Variants in IMMP2L observed in about 807,000 individuals in gnomAD.
IMMP2L encodes mitochondrial inner membrane protease subunit 2.
IMMP2L carries 18 observed loss-of-function variants against 19.3 expected under a neutral mutation model. That is an observed-to-expected ratio of 0.93 (90% CI 0.64 to 1.38). The LOEUF is 1.38. IMMP2L is among the 40% of genes most tolerant of loss of function. IMMP2L has a pLI of 0.00. For synonymous variants in IMMP2L, 76 were observed against 73.0 expected (o/e 1.04, Z -0.21); for missense variants, 233 against 218.2 (o/e 1.07, Z -0.43).
intron 3 of IMMP2L, among the ~76,000 whole-genome samples, chr7:111,042,173 C>T (rs911858747): frequency 2.0e-5 from 3 of 151,816 alleles, no homozygotes; most frequent in African/African-American, 4.8e-5. Flanking sequence ...ATCATAGATA[C>T]CATTTAAAGT....
chr7:111,012,181 A>G (rs564272708), intron 3 of IMMP2L, among the ~76,000 whole-genome samples: 1 of 152,288 alleles, frequency 6.6e-6, no homozygotes, highest in African/African-American at 2.4e-5. Flanking sequence ...ATTTCAGGTA[A>G]AATTTGATAT....
intron 3 of IMMP2L, among the ~76,000 whole-genome samples, chr7:111,450,049 G>T (rs1457240829): frequency 6.6e-5 from 10 of 151,464 alleles, no homozygotes; most frequent in African/African-American, 2.4e-4. Flanking sequence ...CACTGCTCAA[G>T]GAAATAAAGG....
intron 5 of IMMP2L, among the ~76,000 whole-genome samples, chr7:110,691,956 G>T (rs1793536430): frequency 6.6e-6 from 1 of 152,116 alleles, no homozygotes; most frequent in East Asian, 1.9e-4. Flanking sequence ...CCATTACTGG[G>T]TATCTATTCG....
intron 5 of IMMP2L, among the ~76,000 whole-genome samples, chr7:110,739,777 A>G (rs1023938490): frequency 6.6e-6 from 1 of 152,186 alleles, no homozygotes; most frequent in African/African-American, 2.4e-5. Flanking sequence ...TCATCAGCAA[A>G]TGAAACATTC....
At position 111,539,105 on chromosome 7, in the gene IMMP2L, A is replaced by G. The variant is rs182277009; in HGVS notation, c.-2-17656T>C. ...TGCACTCCAGCCTTGGCGACAGAAC[A>G]AGACTCCATCTCACAAAAAGAAAAG... On this transcript the variant is annotated intron_variant, in intron 1 of 5. Transcript: ENST00000405709. Among the ~76,000 whole-genome samples the G allele has an allele frequency of 6.9e-3, 1,029 of 148,454 alleles. 11 individuals carry two copies. Among genetic ancestry groups the G allele is most frequent in the Non-Finnish European group, 0.011 (750 of 67,204 alleles).
chr7:110,797,166 G>A (rs1314968422), intron 5 of IMMP2L, among the ~76,000 whole-genome samples: 3 of 151,744 alleles, frequency 2.0e-5, no homozygotes, highest in African/African-American at 7.3e-5. Context: ...GGAAGCAACA[G>A]TTCTGTCTTT....
chr7:111,315,743 A>G (rs1823997105), intron 3 of IMMP2L, among the ~76,000 whole-genome samples: 1 of 152,128 alleles, frequency 6.6e-6, no homozygotes, highest in African/African-American at 2.4e-5. Context: ...AAAAAAAAAA[A>G]AAGGCTTCAT....
chr7:111,290,629 A>G (rs901625750), intron 3 of IMMP2L, among the ~76,000 whole-genome samples: 2 of 152,126 alleles, frequency 1.3e-5, no homozygotes, highest in African/African-American at 4.8e-5. Context: ...GGAGAAAAGA[A>G]GCAGAAGCCC....
intron 3 of IMMP2L, among the ~76,000 whole-genome samples, chr7:111,268,487 T>TA (rs927826185): frequency 0.038 from 2,369 of 62,434 alleles, 76 homozygotes; most frequent in African/African-American, 0.077. Context: ...GTTTATCTAA[T>TA]AAAAAAAAAA....
At chr7:111,547,241 G>A (rs1849009695) in intron 1 of IMMP2L, among the ~76,000 whole-genome samples, 1 of 152,090 alleles carries the variant, frequency 6.6e-6, no homozygotes, top group Non-Finnish European at 1.5e-5. Context: ...AACCACTATG[G>A]AATAGAATGC....
intron 2 of IMMP2L, among the ~76,000 whole-genome samples, chr7:111,494,126 A>G (rs1246900222): frequency 1.3e-5 from 2 of 152,214 alleles, no homozygotes; most frequent in African/African-American, 4.8e-5. Context: ...TATATTGTTA[A>G]TATTTAAATC....
intron 2 of IMMP2L, among the ~76,000 whole-genome samples, chr7:111,495,966 C>T (rs1377857723): frequency 6.6e-6 from 1 of 152,132 alleles, no homozygotes; most frequent in African/African-American, 2.4e-5. Flanking sequence ...AACAGTAGCC[C>T]TCAGACTTCT....
chr7:111,445,950 G>A (rs1371015391), intron 3 of IMMP2L, among the ~76,000 whole-genome samples: 4 of 152,112 alleles, frequency 2.6e-5, no homozygotes, highest in East Asian at 3.9e-4. Flanking sequence ...GGTGATGGAC[G>A]CACCTGGAAA....
rs2130474892 is a variant in IMMP2L at position 110,684,139 on chromosome 7, T to C, written c.409-20418A>G. ...ATGAGCCATGTCAAATATAACATAG[T>C]AGCAATAAAATAAAACTGGTAGAGC... On this transcript the variant is annotated intron_variant, in intron 5 of 5. Transcript: ENST00000405709. Among the ~76,000 whole-genome samples the C allele has an allele frequency of 1.3e-5, 2 of 152,194 alleles. 1 individual carries two copies. The highest frequency in any genetic ancestry group is 1.3e-4 in the Admixed American group (2 of 15,264).
rs1360359208 is a variant in IMMP2L, at chr7:110,877,841, A to T, written c.408+8752T>A. 2.0e-5 allele frequency among the ~76,000 whole-genome samples: 3 copies of T among 152,118 alleles called. No homozygotes were observed. The highest frequency in any genetic ancestry group is 2.0e-4 in the Admixed American group (3 of 15,248). On this transcript the variant is annotated intron_variant, in intron 5 of 5. Transcript: ENST00000405709. The surrounding 1 kb of genome is among the most constrained non-coding windows in gnomAD (Gnocchi z 4.0). Reference sequence around the variant, plus strand: ...AACTCTGATTATTCACCAGGTATTTACTCATAAAAAACTAACACCATTAAG... The same window carrying T: ...AACTCTGATTATTCACCAGGTATTTTCTCATAAAAAACTAACACCATTAAG...
intron 5 of IMMP2L, among the ~76,000 whole-genome samples, chr7:110,854,526 G>A (rs1313409023): frequency 6.6e-6 from 1 of 151,774 alleles, no homozygotes. Flanking sequence ...ATGTAGCTTG[G>A]AACATGCACT....
chr7:111,146,429 A>G (rs919209517), intron 3 of IMMP2L, among the ~76,000 whole-genome samples: 1 of 152,132 alleles, frequency 6.6e-6, no homozygotes, highest in African/African-American at 2.4e-5. Flanking sequence ...AAAGAAAAAT[A>G]AGCATACTTA....
At chr7:110,792,486 T>C (rs1225038703) in intron 5 of IMMP2L, among the ~76,000 whole-genome samples, 2 of 152,104 alleles carry the variant, frequency 1.3e-5, no homozygotes, top group Non-Finnish European at 2.9e-5. Flanking sequence ...TTCTGGCCTT[T>C]AAAAAAATTT....
At chr7:110,985,952 G>C (rs1821813328) in intron 3 of IMMP2L, among the ~76,000 whole-genome samples, 1 of 152,082 alleles carries the variant, frequency 6.6e-6, no homozygotes, top group African/African-American at 2.4e-5. Flanking sequence ...ACAAACTTGA[G>C]CAAACATAGG....
Sources: gnomAD v4.1 joint callset for allele counts (sites outside exome capture counted in the v4.1 genomes callset) on GRCh38, gnomAD v4.1.1 for gene constraint, Gnocchi (gnomAD v3.1) non-coding constraint, MANE v1.5 for transcripts, NCBI Gene and HGNC (gene_info 2026-07-23, HGNC 2026-07-21) for gene names.